The following ADORA2B variants were observed in gnomAD, a reference collection of about 807,000 sequenced individuals.
ADORA2B encodes the protein adenosine receptor A2b.
Under a neutral mutation model 20.8 loss-of-function variants are expected in ADORA2B, and 18 were observed. That is an observed-to-expected ratio of 0.87 (90% CI 0.60 to 1.29). The LOEUF is 1.29. Ranked by LOEUF, ADORA2B falls within the 50% of genes most tolerant of loss-of-function variation. ADORA2B has a pLI of 0.00. For synonymous variants in ADORA2B, 179 were observed against 178.3 expected (o/e 1.00, Z -0.03); for missense variants, 441 against 422.7 (o/e 1.04, Z -0.38).
At chr17:15,906,152 A>G in the ADORA2B span, among the ~76,000 whole-genome samples, 1 of 152,248 alleles carries the variant, frequency 6.6e-6, no homozygotes, top group African/African-American at 2.4e-5. Context: ...AATGTTAAAT[A>G]GGACAGATGA....
rs77664279 is a variant in ADORA2B, at chr17:15,975,243, T to G, written c.900T>G (p.Thr300=). ...YAYRNRDFRY[T]FHKIISRYLL... is the part of the protein sequence containing the mutation. ...ACCGGAACCGAGACTTCCGCTACAC[T>G]TTTCACAAAATTATCTCCAGGTATC... The change falls in exon 2 of 2, where the codon ACT becomes ACG. Residue 300 remains threonine (T), a synonymous_variant. Coordinates refer to ENST00000304222, the MANE Select transcript of ADORA2B (RefSeq NM_000676.4). The G allele has an allele frequency of 1.1e-4, 172 of 1,613,806 alleles. 1 individual carries two copies. The highest frequency in any genetic ancestry group is 2.9e-5 in the Non-Finnish European group (34 of 1,180,034).
At chr17:15,924,502 C>T in the ADORA2B span, among the ~76,000 whole-genome samples, 159 of 152,176 alleles carry the variant, frequency 1.0e-3, no homozygotes, top group African/African-American at 3.6e-3. Context: ...GAGGCCGAGT[C>T]GGGCAAATCA....
the ADORA2B span, among the ~76,000 whole-genome samples, chr17:15,901,113 G>T: frequency 1.3e-5 from 2 of 152,050 alleles, no homozygotes; most frequent in Non-Finnish European, 2.9e-5. Flanking sequence ...ACCACAAAGC[G>T]ATTCCTGAGG....
the ADORA2B span, among the ~76,000 whole-genome samples, chr17:15,886,855 C>G: frequency 2.3e-5 from 3 of 129,520 alleles, no homozygotes; most frequent in Non-Finnish European, 4.9e-5. Flanking sequence ...ACCAGAGGCC[C>G]CTGCTGAGCC....
chr17:15,904,164 G>C, the ADORA2B span, among the ~76,000 whole-genome samples: 1 of 152,010 alleles, frequency 6.6e-6, no homozygotes, highest in Non-Finnish European at 1.5e-5. Context: ...GTTAAAAATA[G>C]AGACAGGGTC....
the ADORA2B span, among the ~76,000 whole-genome samples, chr17:15,937,630 T>C: frequency 6.6e-6 from 1 of 151,978 alleles, no homozygotes; most frequent in African/African-American, 2.4e-5. Flanking sequence ...TGGAGTGCAA[T>C]GGCGCCATCT....
chr17:15,874,043 T>C, the ADORA2B span, among the ~76,000 whole-genome samples: 3 of 73,396 alleles, frequency 4.1e-5, no homozygotes, highest in Non-Finnish European at 5.9e-5. Context: ...TATATATGTG[T>C]ATATATATAT....
the ADORA2B span, among the ~76,000 whole-genome samples, chr17:15,918,829 A>C: frequency 1.3e-5 from 2 of 152,144 alleles, no homozygotes; most frequent in Non-Finnish European, 2.9e-5. Flanking sequence ...AGACTCAGGA[A>C]TTATTGGTTG....
chr17:15,863,740 G>A, the ADORA2B span, among the ~76,000 whole-genome samples: 1 of 152,098 alleles, frequency 6.6e-6, no homozygotes, highest in East Asian at 1.9e-4. Flanking sequence ...TAATTCAAAT[G>A]AGTTTGAATT....
the ADORA2B span, among the ~76,000 whole-genome samples, chr17:15,926,975 A>T: frequency 1.3e-5 from 2 of 152,172 alleles, no homozygotes. Context: ...TGTCTCAAAA[A>T]ATAAAATAAA....
chr17:15,871,260 C>T, the ADORA2B span, among the ~76,000 whole-genome samples: 9 of 152,250 alleles, frequency 5.9e-5, no homozygotes, highest in African/African-American at 1.7e-4. Context: ...GGGAGGGACG[C>T]GTTCTCCCAC....
chr17:15,914,950 G>A, the ADORA2B span, among the ~76,000 whole-genome samples: 2 of 152,220 alleles, frequency 1.3e-5, no homozygotes, highest in Admixed American at 6.5e-5. Context: ...GCTGAGTCAT[G>A]ACTGCTCACT....
chr17:15,927,354 G>A, the ADORA2B span, among the ~76,000 whole-genome samples: 4 of 152,152 alleles, frequency 2.6e-5, no homozygotes, highest in Admixed American at 6.5e-5. Context: ...ATGGTGGCAC[G>A]CGCCTGTAGT....
At chr17:15,914,214 T>C in the ADORA2B span, among the ~76,000 whole-genome samples, 1 of 152,208 alleles carries the variant, frequency 6.6e-6, no homozygotes, top group Non-Finnish European at 1.5e-5. Flanking sequence ...AAAAAAATTC[T>C]TTGAGACAAT....
intron 1 of ADORA2B, among the ~76,000 whole-genome samples, chr17:15,972,301 A>T (rs1970198256): frequency 6.6e-6 from 1 of 152,232 alleles, no homozygotes; most frequent in South Asian, 2.1e-4. Flanking sequence ...CACTGCAGGT[A>T]AAGCAAACAA....
At chr17:15,874,042 G>GTGTGTGTATATATATA in the ADORA2B span, among the ~76,000 whole-genome samples, 1 of 134,824 alleles carries the variant, frequency 7.4e-6, no homozygotes, top group East Asian at 2.2e-4. Flanking sequence ...ATATATATGT[G>GTGTGTGTATATATATA]TATATATATA....
chr17:15,967,211 G>T (rs1340077890), intron 1 of ADORA2B, among the ~76,000 whole-genome samples: 3 of 151,788 alleles, frequency 2.0e-5, no homozygotes, highest in African/African-American at 7.3e-5. Context: ...GTCCTGCCCA[G>T]TGCAGGGACA....
At chr17:15,946,349 C>T (rs970426362) in intron 1 of ADORA2B, among the ~76,000 whole-genome samples, 1 of 152,198 alleles carries the variant, frequency 6.6e-6, no homozygotes, top group Non-Finnish European at 1.5e-5. Flanking sequence ...GGCGAACTTA[C>T]TTGTCCACTC....
At chr17:15,959,512 T>C (rs1970009742) in intron 1 of ADORA2B, among the ~76,000 whole-genome samples, 2 of 149,424 alleles carry the variant, frequency 1.3e-5, no homozygotes, top group Admixed American at 1.3e-4. Context: ...TTTTTTTTTT[T>C]TTTTTTGAGA....
Sources: gnomAD v4.1 joint callset for allele counts (sites outside exome capture counted in the v4.1 genomes callset) on GRCh38, gnomAD v4.1.1 for gene constraint, MANE v1.5 for transcripts, NCBI Gene and HGNC (gene_info 2026-07-23, HGNC 2026-07-21) for gene names.